The following TES variants were observed in gnomAD, a reference collection of about 807,000 sequenced individuals.
TES encodes testin LIM domain protein.
In TES, 41 loss-of-function variants were observed where a neutral mutation model predicts 48.2. The observed-to-expected ratio is 0.85, with a 90% CI of 0.66 to 1.10. TES has a LOEUF of 1.10. TES is among the 50% of genes least tolerant of loss of function. The pLI, the probability that TES is intolerant of heterozygous loss-of-function variation, is 0.00. For synonymous variants in TES, 162 were observed against 174.9 expected (o/e 0.93, Z 0.58); for missense variants, 463 against 515.1 (o/e 0.90, Z 0.98).
chr7:116,225,487 A>G (rs2116582228), intron 1 of TES, among the ~76,000 whole-genome samples: 1 of 152,334 alleles, frequency 6.6e-6, no homozygotes, highest in Non-Finnish European at 1.5e-5. Context: ...TTTTATTACA[A>G]AATATTTAGG....
intron 2 of TES, among the ~76,000 whole-genome samples, chr7:116,247,804 CTCTT>C (rs1799948565): frequency 6.6e-6 from 1 of 152,096 alleles, no homozygotes; most frequent in African/African-American, 2.4e-5. Flanking sequence ...TGCTGCTTTC[CTCTT>C]TTTTTCACCT....
In TES at chr7:116,252,010, C is replaced by T. The variant is rs1243809307; in HGVS notation, c.918+35C>T. The T allele has an allele frequency of 1.9e-6, 3 of 1,595,482 alleles. No homozygotes were observed. In the Admixed American group the frequency reaches 5.0e-5, roughly 27 times the overall value. On this transcript the variant is annotated intron_variant, in intron 5 of 6. Coordinates refer to ENST00000358204, the MANE Select transcript of TES (RefSeq NM_015641.4). Reference sequence around the variant, plus strand: ...ATGGGACCACCGGCATGCTGGTGCCCTCTTAGACCCTCATATGGTCCCTTT... The same window carrying T: ...ATGGGACCACCGGCATGCTGGTGCCTTCTTAGACCCTCATATGGTCCCTTT...
At position 116,251,895 on chromosome 7, in the gene TES, T is replaced by C; in HGVS notation, c.838T>C (p.Tyr280His). ...TCHELLVDMI[Y>H]FWKNEKLYCG... Reference sequence around the variant, plus strand: ...CCATGAACTCCTGGTTGACATGATTTATTTTTGGAAGAATGAGAAGCTATA... The same window carrying C: ...CCATGAACTCCTGGTTGACATGATTCATTTTTGGAAGAATGAGAAGCTATA... Residue 280 changes from tyrosine to histidine, a missense_variant, in exon 5 of 7, where the codon TAT (tyrosine) becomes CAT (histidine). Coordinates refer to ENST00000358204, the MANE Select transcript of TES (RefSeq NM_015641.4). 2 of 1,614,112 alleles carry C rather than the reference T, an allele frequency of 1.2e-6. No homozygotes were observed. Among genetic ancestry groups the C allele is most frequent in the Non-Finnish European group, 1.7e-6 (2 of 1,180,020 alleles).
chr7:116,252,926 A>T (rs558186686), intron 6 of TES, among the ~76,000 whole-genome samples: 6 of 152,234 alleles, frequency 3.9e-5, no homozygotes, highest in African/African-American at 1.4e-4. Flanking sequence ...TATTTCTTAA[A>T]CCCTCATTGA....
At chr7:116,228,108 A>G (rs1288477795) in intron 1 of TES, among the ~76,000 whole-genome samples, 1 of 151,974 alleles carries the variant, frequency 6.6e-6, no homozygotes, top group Non-Finnish European at 1.5e-5. Context: ...GACTGCTGAA[A>G]ATTATGAATA....
At chr7:116,229,016 ATATATATATATATATAT>A (rs1584615469) in intron 1 of TES, among the ~76,000 whole-genome samples, 6 of 134,378 alleles carry the variant, frequency 4.5e-5, no homozygotes, top group East Asian at 2.2e-4. Context: ...ATATATATAT[ATATATATATATATATAT>A]AATCATTTCC....
At chr7:116,242,485 G>T (rs902518815) in intron 2 of TES, among the ~76,000 whole-genome samples, 2 of 150,910 alleles carry the variant, frequency 1.3e-5, no homozygotes, top group African/African-American at 4.9e-5. Context: ...CACAAGGAAA[G>T]CAATTTGCCT....
intron 6 of TES, among the ~76,000 whole-genome samples, chr7:116,256,460 C>G (rs949483719): frequency 1.3e-5 from 2 of 152,188 alleles, no homozygotes; most frequent in African/African-American, 4.8e-5. Context: ...TCATTCAGAA[C>G]ATGTATAAAC....
chr7:116,214,334 G>A (rs1010133131), intron 1 of TES, among the ~76,000 whole-genome samples: 1 of 152,136 alleles, frequency 6.6e-6, no homozygotes, highest in Admixed American at 6.5e-5. Flanking sequence ...TTGGAAATTA[G>A]AATGAGTTAT....
At chr7:116,214,226 C>T (rs1227156734) in intron 1 of TES, among the ~76,000 whole-genome samples, 2 of 151,990 alleles carry the variant, frequency 1.3e-5, no homozygotes, top group African/African-American at 2.4e-5. Flanking sequence ...TCTCTGTATC[C>T]AAACTTGTTT....
At chr7:116,223,577 CTA>C (rs1563006168) in intron 1 of TES, among the ~76,000 whole-genome samples, 1 of 151,884 alleles carries the variant, frequency 6.6e-6, no homozygotes, top group African/African-American at 2.4e-5. Flanking sequence ...GTGTGTGTAA[CTA>C]TATATTGAGA....
chr7:116,213,279 T>G (rs1799459501), intron 1 of TES, among the ~76,000 whole-genome samples: 1 of 152,194 alleles, frequency 6.6e-6, no homozygotes, highest in Admixed American at 6.5e-5. Flanking sequence ...TTCAAGAAAA[T>G]TTATAGTTTG....
At chr7:116,228,944 C>T (rs897844847) in intron 1 of TES, among the ~76,000 whole-genome samples, 5 of 148,012 alleles carry the variant, frequency 3.4e-5, no homozygotes, top group Non-Finnish European at 7.4e-5. Flanking sequence ...TGACTCTCCT[C>T]CAGGGATCTT....
intron 1 of TES, among the ~76,000 whole-genome samples, chr7:116,221,912 AT>A (rs1199675696): frequency 6.6e-6 from 1 of 152,182 alleles, no homozygotes; most frequent in Non-Finnish European, 1.5e-5. Context: ...CACTAGACAA[AT>A]TTTAAATGAT....
chr7:116,235,048 A>C (rs1330965499), intron 2 of TES, among the ~76,000 whole-genome samples: 2 of 152,164 alleles, frequency 1.3e-5, no homozygotes, highest in Non-Finnish European at 2.9e-5. Flanking sequence ...GGTTCAAGCG[A>C]TTCTCTTGCC....
At chr7:116,245,949 CTCAA>C (rs1375763674) in intron 2 of TES, among the ~76,000 whole-genome samples, 1 of 152,066 alleles carries the variant, frequency 6.6e-6, no homozygotes, top group Admixed American at 6.5e-5. Flanking sequence ...CTCAAGAGAA[CTCAA>C]TCACTATCAT....
chr7:116,235,333 T>C (rs1055356701), intron 2 of TES, among the ~76,000 whole-genome samples: 2 of 152,222 alleles, frequency 1.3e-5, no homozygotes, highest in African/African-American at 2.4e-5. Context: ...CAAATATGAA[T>C]ACTGAATCAA....
At chr7:116,214,471 A>G (rs576508506) in intron 1 of TES, among the ~76,000 whole-genome samples, 1 of 152,290 alleles carries the variant, frequency 6.6e-6, no homozygotes, top group Middle Eastern at 3.4e-3. Context: ...GACTAAGGGT[A>G]AAGGTAGGGC....
rs1020330325 is a variant in TES at position 116,252,045 on chromosome 7, G to T, written c.918+70G>T. On this transcript the variant is annotated intron_variant, in intron 5 of 6. Coordinates refer to ENST00000358204, the MANE Select transcript of TES (RefSeq NM_015641.4). ...CTCATATGGTCCCTTTACCTAGAAG[G>T]CAACAAGACTTGACCAAACAGCAGT... 4.0e-6 allele frequency: 6 copies of T among 1,494,320 alleles called. No homozygotes were observed. The African/African-American group carries it at 6.9e-5, about 17-fold the overall frequency. 92.6% of individuals were successfully genotyped at this position (1,494,320 alleles called of 1,614,324 possible). A position where few individuals can be genotyped will look rare whatever the true frequency, so the allele number is the denominator to read the frequency against.
Sources: gnomAD v4.1 joint callset for allele counts (sites outside exome capture counted in the v4.1 genomes callset) on GRCh38, gnomAD v4.1.1 for gene constraint, MANE v1.5 for transcripts, NCBI Gene and HGNC (gene_info 2026-07-23, HGNC 2026-07-21) for gene names.